Variants in MAGI2 observed in about 807,000 individuals in gnomAD.
MAGI2 encodes membrane-associated guanylate kinase, WW and PDZ domain-containing protein 2.
Under a neutral mutation model 133.3 loss-of-function variants are expected in MAGI2, and 35 were observed. That is an observed-to-expected ratio of 0.26 (90% confidence interval 0.20 to 0.35). The LOEUF is 0.35. MAGI2 is among the 10% of genes least tolerant of loss of function. The probability of loss-of-function intolerance (pLI) is 1.00; values close to 1 mark genes in which losing one functional copy is unlikely to be tolerated. For synonymous variants in MAGI2, 729 were observed against 710.6 expected (o/e 1.03, Z -0.41); for missense variants, 1,636 against 1,863.4 (o/e 0.88, Z 2.25).
intron 9 of MAGI2, among the ~76,000 whole-genome samples, chr7:78,327,087 T>C (rs534754147): frequency 2.6e-5 from 4 of 152,226 alleles, no homozygotes; most frequent in Admixed American, 6.5e-5. Flanking sequence ...TGGCTCAAGC[T>C]TGACCTCTTT....
intron 2 of MAGI2, among the ~76,000 whole-genome samples, chr7:78,794,338 C>A (rs1418439319): frequency 2.6e-5 from 4 of 152,090 alleles, no homozygotes. Flanking sequence ...AATGGGGGAG[C>A]AAGAGATGCT....
chr7:79,445,364 C>T (rs1397866702), intron 1 of MAGI2, among the ~76,000 whole-genome samples: 2 of 152,188 alleles, frequency 1.3e-5, no homozygotes, highest in African/African-American at 2.4e-5. Context: ...AAACTACCAT[C>T]AGAGTGAATA....
intron 1 of MAGI2, among the ~76,000 whole-genome samples, chr7:79,096,889 C>G (rs1216817427): frequency 6.6e-6 from 1 of 152,108 alleles, no homozygotes; most frequent in Non-Finnish European, 1.5e-5. Context: ...GAACATAATT[C>G]TCTAAAAGAG....
rs539438980 is a variant in MAGI2 at position 79,128,558 on chromosome 7, C to T, written c.302-121352G>A. Among the ~76,000 whole-genome samples the T allele has an allele frequency of 2.0e-5, 3 of 152,178 alleles. 1 individual carries two copies. Among genetic ancestry groups the T allele is most frequent in the South Asian group, 4.1e-4 (2 of 4,826 alleles). On this transcript the variant is annotated intron_variant, in intron 1 of 21. Coordinates refer to ENST00000354212, the MANE Select transcript of MAGI2 (RefSeq NM_012301.4). ...TAATATGAATTGAATTACAAATATG[C>T]TACAGGGGAACTCCCTGATCAGGAA...
intron 21 of MAGI2, among the ~76,000 whole-genome samples, chr7:78,064,955 T>C (rs1223339552): frequency 6.6e-6 from 1 of 152,220 alleles, no homozygotes; most frequent in Admixed American, 6.5e-5. Context: ...TAGCGAATAC[T>C]AACTCGATGT....
intron 10 of MAGI2, among the ~76,000 whole-genome samples, chr7:78,247,081 G>C (rs1286610142): frequency 6.6e-6 from 1 of 152,166 alleles, no homozygotes; most frequent in Non-Finnish European, 1.5e-5. Context: ...CTGGAGCCCA[G>C]TGCTGCTGCA....
chr7:79,016,978 G>A (rs1808798409), intron 1 of MAGI2, among the ~76,000 whole-genome samples: 1 of 152,206 alleles, frequency 6.6e-6, no homozygotes, highest in Non-Finnish European at 1.5e-5. Flanking sequence ...CACTGGCGAG[G>A]CCCCGTGCAT....
chr7:78,607,981 G>C (rs976752819), intron 3 of MAGI2, among the ~76,000 whole-genome samples: 1 of 152,174 alleles, frequency 6.6e-6, no homozygotes, highest in Non-Finnish European at 1.5e-5. Context: ...TTCCATGTTG[G>C]CTTCTCTTGA....
chr7:78,101,310 G>C (rs767483449), intron 20 of MAGI2, among the ~76,000 whole-genome samples: 1 of 152,120 alleles, frequency 6.6e-6, no homozygotes, highest in Non-Finnish European at 1.5e-5. Flanking sequence ...ATATTACAAG[G>C]TTATAGTAAC....
At chr7:78,321,047 G>C (rs1164569045) in intron 9 of MAGI2, among the ~76,000 whole-genome samples, 6 of 152,086 alleles carry the variant, frequency 3.9e-5, no homozygotes, top group African/African-American at 1.4e-4. Flanking sequence ...AAATACATAG[G>C]AATCCAACTT....
intron 1 of MAGI2, among the ~76,000 whole-genome samples, chr7:79,015,436 G>A (rs866563856): frequency 3.3e-5 from 5 of 152,034 alleles, no homozygotes; most frequent in South Asian, 2.1e-4. Context: ...AAAGTATCAC[G>A]ACACAGAACA....
intron 18 of MAGI2, among the ~76,000 whole-genome samples, chr7:78,130,699 T>A (rs554951511): frequency 1.3e-5 from 2 of 152,114 alleles, no homozygotes; most frequent in African/African-American, 4.8e-5. Context: ...GCTGTTAATA[T>A]AGTAATGGAA....
chr7:79,266,221 T>C (rs1362699550), intron 1 of MAGI2, among the ~76,000 whole-genome samples: 2 of 150,408 alleles, frequency 1.3e-5, no homozygotes, highest in African/African-American at 2.4e-5. Flanking sequence ...TCAAACATCA[T>C]ATCCCTCCCT....
intron 16 of MAGI2, among the ~76,000 whole-genome samples, chr7:78,136,692 AG>A (rs1271434965): frequency 1.3e-5 from 2 of 152,224 alleles, no homozygotes; most frequent in Non-Finnish European, 2.9e-5. Context: ...CTATGGAATC[AG>A]GTACTGCTTT....
At chr7:78,549,876 T>C (rs964035434) in intron 3 of MAGI2, among the ~76,000 whole-genome samples, 3 of 152,220 alleles carry the variant, frequency 2.0e-5, no homozygotes, top group African/African-American at 7.2e-5. Context: ...AATCTTGCTT[T>C]TGGCTTACCT....
intron 1 of MAGI2, among the ~76,000 whole-genome samples, chr7:79,292,887 G>A (rs78042051): frequency 0.036 from 5,400 of 149,356 alleles, 136 homozygotes; most frequent in African/African-American, 0.065. Context: ...TTAAGTCTTC[G>A]GCTTCCTCTG....
intron 2 of MAGI2, among the ~76,000 whole-genome samples, chr7:78,827,070 A>G (rs1790723819): frequency 6.6e-6 from 1 of 152,122 alleles, no homozygotes; most frequent in African/African-American, 2.4e-5. Context: ...AGATACAGAT[A>G]CATATAGATA....
chr7:78,664,453 C>T (rs1479228871), intron 2 of MAGI2, among the ~76,000 whole-genome samples: 1 of 151,854 alleles, frequency 6.6e-6, no homozygotes, highest in Non-Finnish European at 1.5e-5. Context: ...CTTCCATTTT[C>T]GTTGATTATG....
At chr7:78,727,859 G>A (rs915982595) in intron 2 of MAGI2, among the ~76,000 whole-genome samples, 1 of 152,094 alleles carries the variant, frequency 6.6e-6, no homozygotes, top group Non-Finnish European at 1.5e-5. Flanking sequence ...TTTACGCTCT[G>A]GGGATACAGC....
Sources: allele counts gnomAD v4.1 joint callset (sites outside exome capture counted in the v4.1 genomes callset), GRCh38; gene constraint gnomAD v4.1.1; transcripts MANE v1.5; gene names NCBI Gene and HGNC (gene_info 2026-07-23, HGNC 2026-07-21).